RBM15: variants seen among roughly 807,000 people sequenced by gnomAD.
The protein encoded by RBM15 is RNA binding motif protein 15, also known as RNA-binding protein 15.
Under a neutral mutation model 62.6 loss-of-function variants are expected in RBM15, and 8 were observed. The ratio of observed to expected loss-of-function variants is 0.13; its 90% CI spans 0.07 to 0.23. The LOEUF is 0.23. Ranked by LOEUF, RBM15 falls within the 10% of genes least tolerant of loss-of-function variation. The pLI is 1.00. For synonymous variants in RBM15, 606 were observed against 505.7 expected (o/e 1.20, Z -2.66); for missense variants, 1,144 against 1,286.5 (o/e 0.89, Z 1.69).
intron 1 of RBM15, chr1:110,342,483 A>T (rs1660819751): frequency 2.3e-6 from 1 of 434,358 alleles, no homozygotes; most frequent in African/African-American, 2.0e-5. Flanking sequence ...AGTGAAAGGG[A>T]TGCCCTAAAG....
chr1:110,340,388 A>G lies in RBM15; in HGVS notation c.983A>G (p.Glu328Gly), dbSNP rs1221437367. ...CCGCCACCATTGCCTCGAGACCTGGAGAGAGAAAGAGACTACCCGTTCTAT... is the reference window on the plus strand; with the variant it reads ...CCGCCACCATTGCCTCGAGACCTGGGGAGAGAAAGAGACTACCCGTTCTAT... The part of the protein sequence containing the change: ...PPPPPLPRDL[E>G]RERDYPFYER... The change falls in exon 1 of 3, where the codon GAG becomes GGG. Residue 328 changes from glutamate (E) to glycine (G), a missense_variant. Transcript: ENST00000369784. The surrounding 1 kb of genome is among the most constrained non-coding windows in gnomAD (Gnocchi z 5.8). 2 of 1,614,152 alleles carry G rather than the reference A, an allele frequency of 1.2e-6. No individual in the cohort carries two copies. Among genetic ancestry groups the G allele is most frequent in the South Asian group, 1.1e-5 (1 of 91,082 alleles).
chr1:110,341,445 C>CCGGGAT lies in RBM15; in HGVS notation c.2043_2048dup (p.Asp682_Arg683dup). On this transcript the variant is annotated inframe_insertion, in exon 1 of 3. Coordinates refer to ENST00000369784, the MANE Select transcript of RBM15 (RefSeq NM_022768.5). The surrounding 1 kb of genome is among the most constrained non-coding windows in gnomAD (Gnocchi z 4.5). ...ACCGCAGTCCAGAATTGAGCAGTAGCCGGGATCGTTACAACAGCGACAATG... is the reference window on the plus strand; with the variant it reads ...ACCGCAGTCCAGAATTGAGCAGTAGCCGGGATCGGGATCGTTACAACAGCGACAATG... 6.2e-7 allele frequency: 1 copy of CCGGGAT among 1,614,138 alleles called. No homozygotes were observed. Among genetic ancestry groups the CCGGGAT allele is most frequent in the Non-Finnish European group, 8.5e-7 (1 of 1,180,028 alleles).
In RBM15 at chr1:110,340,635, C is replaced by G. The variant is rs1472115594; in HGVS notation, c.1230C>G (p.Arg410=). The G allele has an allele frequency of 9.3e-6, 15 of 1,614,198 alleles. No homozygotes were observed. The highest frequency in any genetic ancestry group is 1.3e-5 in the Non-Finnish European group (15 of 1,180,032). ...ITEVDIKRPS[R]GQTSTYGFLK... ...AAGTAGATATCAAGAGGCCTTCTCGCGGCCAGACTAGTACTTACGGCTTTC... is the reference window on the plus strand; with the variant it reads ...AAGTAGATATCAAGAGGCCTTCTCGGGGCCAGACTAGTACTTACGGCTTTC... The change falls in exon 1 of 3, where the codon CGC becomes CGG. Residue 410 remains arginine, a synonymous_variant. Coordinates refer to ENST00000369784, the MANE Select transcript of RBM15 (RefSeq NM_022768.5). The surrounding 1 kb of genome is among the most constrained non-coding windows in gnomAD (Gnocchi z 5.8).
chr1:110,344,629 A>T (rs1331386833), intron 1 of RBM15, among the ~76,000 whole-genome samples: 2 of 152,222 alleles, frequency 1.3e-5, no homozygotes, highest in African/African-American at 4.8e-5. Flanking sequence ...CATAGTCCAC[A>T]TGAACCTCAT....
chr1:110,339,587 G>T lies in RBM15; in HGVS notation c.182G>T (p.Gly61Val). ...SPVKAKRSRG[G>V]EDSTSRGERS... Reference sequence around the variant, plus strand: ...GTGAAGGCCAAACGCTCCCGTGGTGGTGAGGACTCGACTTCCCGCGGTGAG... The same window carrying T: ...GTGAAGGCCAAACGCTCCCGTGGTGTTGAGGACTCGACTTCCCGCGGTGAG... Residue 61 changes from glycine (G) to valine (V), a missense_variant, in exon 1 of 3, where the codon GGT (glycine) becomes GTT (valine). By Grantham distance (109) the Gly-to-Val change is moderately radical. Transcript: ENST00000369784. The T allele has an allele frequency of 6.2e-7, 1 of 1,608,514 alleles. No individual in the cohort carries two copies. Among genetic ancestry groups the T allele is most frequent in the Non-Finnish European group, 8.5e-7 (1 of 1,175,882 alleles).
rs908486439 is a variant in RBM15 at position 110,341,501 on chromosome 1, C to T, written c.2096C>T (p.Pro699Leu). Reference sequence around the variant, plus strand: ...TCTTCCCGTCTTCTCTTGGAAAGGCCCTCTCCAATCAGAGACAGACGAGGT... The same window carrying T: ...TCTTCCCGTCTTCTCTTGGAAAGGCTCTCTCCAATCAGAGACAGACGAGGT... ...DRSSRLLLER[P>L]SPIRDRRGSL... The change falls in exon 1 of 3, where the codon CCC (proline) becomes CTC (leucine). Residue 699 changes from proline (P) to leucine (L), a missense_variant. Coordinates refer to ENST00000369784, the MANE Select transcript of RBM15 (RefSeq NM_022768.5). The surrounding 1 kb of genome is among the most constrained non-coding windows in gnomAD (Gnocchi z 4.5). The T allele has an allele frequency of 1.2e-5, 19 of 1,613,962 alleles. No individual in the cohort carries two copies. The highest frequency in any genetic ancestry group is 1.4e-5 in the Non-Finnish European group (17 of 1,180,040).
chr1:110,340,743 T>C lies in RBM15; in HGVS notation c.1338T>C (p.Ile446=). 1 of 1,613,980 alleles carries C rather than the reference T, an allele frequency of 6.2e-7. No individual in the cohort carries two copies. Among genetic ancestry groups the C allele is most frequent in the South Asian group, 1.1e-5 (1 of 91,066 alleles). Residue 446 remains isoleucine, a synonymous_variant, in exon 1 of 3, where the codon ATT becomes ATC. Coordinates refer to ENST00000369784, the MANE Select transcript of RBM15 (RefSeq NM_022768.5). The surrounding 1 kb of genome is among the most constrained non-coding windows in gnomAD (Gnocchi z 5.8). ...GKIIIRNPIK[I]GYGKATPTTR... ...TTATAATTCGGAATCCTATCAAAAT[T>C]GGTTATGGTAAAGCTACACCCACCA...
In RBM15 at chr1:110,345,570, G is replaced by A. The variant is rs1466452777; in HGVS notation, c.2895G>A (p.Glu965=). The A allele has an allele frequency of 7.4e-6, 12 of 1,611,920 alleles. No homozygotes were observed. The highest frequency in any genetic ancestry group is 1.0e-5 in the Non-Finnish European group (12 of 1,178,908). ...GTTTTCAGATAGGAGTTAGGTATGA[G>A]AACAAGAAGAGAGAAAACTTGGCGC... is the stretch of plus-strand genomic sequence containing the variant. ...GFGFQIGVRY[E]NKKRENLALT... Residue 965 remains glutamate (E), a synonymous_variant, in exon 2 of 3, where the codon GAG becomes GAA. Coordinates refer to ENST00000369784, the MANE Select transcript of RBM15 (RefSeq NM_022768.5).
Position 110,339,954 on chromosome 1 carries a change from C to T in RBM15, c.549C>T (p.Asp183=), listed in dbSNP as rs778905859. 3.7e-6 allele frequency: 6 copies of T among 1,613,986 alleles called. No homozygotes were observed. Among genetic ancestry groups the T allele is most frequent in the East Asian group, 4.5e-5 (2 of 44,890 alleles). The change falls in exon 1 of 3, where the codon GAC becomes GAT. Residue 183 remains aspartate, a synonymous_variant. Transcript: ENST00000369784. ...KISELGSQLS[D]EAVEDGLFHE... Reference sequence around the variant, plus strand: ...GCGAGTTGGGGTCCCAGCTTAGTGACGAAGCGGTGGAGGACGGCCTGTTTC... The same window carrying T: ...GCGAGTTGGGGTCCCAGCTTAGTGATGAAGCGGTGGAGGACGGCCTGTTTC...
Position 110,340,513 on chromosome 1 carries a change from C to A in RBM15, c.1108C>A (p.Gln370Lys). 1 of 1,614,192 alleles carries A rather than the reference C, an allele frequency of 6.2e-7. No homozygotes were observed. The highest frequency in any genetic ancestry group is 8.5e-7 in the Non-Finnish European group (1 of 1,180,046). The change falls in exon 1 of 3, where the codon CAG becomes AAG. Residue 370 changes from glutamine to lysine, a missense_variant. Gln to Lys is a moderately conservative substitution (Grantham distance 53, BLOSUM62 1). Coordinates refer to ENST00000369784, the MANE Select transcript of RBM15 (RefSeq NM_022768.5). This position sits in a 1 kb window ranked among gnomAD's most constrained non-coding sequence, Gnocchi z 5.8. ...GGATGAGATTTCACCCGAGGATGATCAGCGAGCTAACCGGACGCTCTTCTT... is the reference window on the plus strand; with the variant it reads ...GGATGAGATTTCACCCGAGGATGATAAGCGAGCTAACCGGACGCTCTTCTT... ...EVDEISPEDD[Q>K]RANRTLFLGN...
rs774200080 is a variant in RBM15, at chr1:110,341,154, C to T, written c.1749C>T (p.Asp583=). 14 of 1,614,074 alleles carry T rather than the reference C, an allele frequency of 8.7e-6. No individual in the cohort carries two copies. Among genetic ancestry groups the T allele is most frequent in the Non-Finnish European group, 8.5e-6 (10 of 1,179,970 alleles). The change falls in exon 1 of 3, where the codon GAC becomes GAT. Residue 583 remains aspartate, a synonymous_variant. Transcript: ENST00000369784. This position sits in a 1 kb window ranked among gnomAD's most constrained non-coding sequence, Gnocchi z 4.5. ...ATCGTGATAGGGACCTTTATCCTGA[C>T]TCTGATTGGGTGCCACCCCCACCCC... is the stretch of plus-strand genomic sequence containing the variant. ...YRDRDRDLYP[D]SDWVPPPPPV... is the part of the protein sequence containing the mutation.
In RBM15 at chr1:110,339,962, T is replaced by C. The variant is rs1557890763; in HGVS notation, c.557T>C (p.Val186Ala). 1 of 1,614,018 alleles carries C rather than the reference T, an allele frequency of 6.2e-7. No homozygotes were observed. Among genetic ancestry groups the C allele is most frequent in the Non-Finnish European group, 8.5e-7 (1 of 1,179,984 alleles). The change falls in exon 1 of 3, where the codon GTG (valine) becomes GCG (alanine). Residue 186 changes from valine to alanine, a missense_variant. Around this residue, in one of 8 missense-constraint regions of RBM15, gnomAD observed 15 missense variants for 35.0 expected, o/e 0.43. Transcript: ENST00000369784. Reference protein sequence around the residue: ...ELGSQLSDEAVEDGLFHEFKR... With the variant: ...ELGSQLSDEAAEDGLFHEFKR... ...GGGTCCCAGCTTAGTGACGAAGCGG[T>C]GGAGGACGGCCTGTTTCATGAGTTC... is the stretch of plus-strand genomic sequence containing the variant.
Position 110,341,041 on chromosome 1 carries a change from T to C in RBM15, c.1636T>C (p.Tyr546His). 3 of 1,614,144 alleles carry C rather than the reference T, an allele frequency of 1.9e-6. No homozygotes were observed. The highest frequency in any genetic ancestry group is 2.5e-6 in the Non-Finnish European group (3 of 1,180,010). Reference sequence around the variant, plus strand: ...TCTGCAGCCTCTGCCCTTGACTCATTATGAGCTGGTGACAGATGCTTTTGG... The same window carrying C: ...TCTGCAGCCTCTGCCCTTGACTCATCATGAGCTGGTGACAGATGCTTTTGG... Reference protein sequence around the residue: ...QYLQPLPLTHYELVTDAFGHR... With the variant: ...QYLQPLPLTHHELVTDAFGHR... The change falls in exon 1 of 3, where the codon TAT becomes CAT. Residue 546 changes from tyrosine to histidine, a missense_variant. Physicochemically the swap from Tyr to His is moderately conservative, Grantham distance 83. Transcript: ENST00000369784. This position sits in a 1 kb window ranked among gnomAD's most constrained non-coding sequence, Gnocchi z 4.5.
rs200933258 is a variant in RBM15, at chr1:110,339,877, T to G, written c.472T>G (p.Ser158Ala). ...GGESRSSGAASSAPGGGDGAE... is the reference protein window; with the variant it reads ...GGESRSSGAAASAPGGGDGAE... ...GGAGTCACGTTCCTCTGGGGCCGCC[T>G]CCTCAGCTCCCGGCGGCGGGGACGG... Residue 158 changes from serine (S) to alanine (A), a missense_variant, in exon 1 of 3, where the codon TCC (serine) becomes GCC (alanine). Around this residue, in one of 8 missense-constraint regions of RBM15, gnomAD observed 298 missense variants for 250.0 expected, o/e 1.19. Coordinates refer to ENST00000369784, the MANE Select transcript of RBM15 (RefSeq NM_022768.5). The G allele has an allele frequency of 3.9e-4, 622 of 1,602,942 alleles. 1 individual carries two copies. Among genetic ancestry groups the G allele is most frequent in the Non-Finnish European group, 4.9e-4 (577 of 1,171,478 alleles).
Position 110,346,544 on chromosome 1 carries a change from A to T in RBM15, c.*277A>T, listed in dbSNP as rs901450560. 1 of 583,018 alleles carries T rather than the reference A, an allele frequency of 1.7e-6. No homozygotes were observed. Among genetic ancestry groups the T allele is most frequent in the African/African-American group, 1.9e-5 (1 of 53,418 alleles). The allele number at this position is 583,018 out of a possible 1,614,324, so 36.1% of individuals were successfully genotyped here. On this transcript the variant is annotated 3_prime_UTR_variant, in exon 3 of 3. Transcript: ENST00000369784. ...GACCTCTTTGATTTGTGCTGTGTAC[A>T]CAAGATTTCTGGAAAAGTAAAGAAA... is the stretch of plus-strand genomic sequence containing the variant.
Position 110,345,526 on chromosome 1 carries a change from G to C in RBM15, c.2864-13G>C, listed in dbSNP as rs1553225512. The C allele has an allele frequency of 3.2e-6, 5 of 1,567,248 alleles. No individual in the cohort carries two copies. The South Asian group carries it at 5.7e-5, about 18-fold the overall frequency. ...AGAATTTCTGGACATTTTTTTTTCT[G>C]TCTCTCTCACAGGGTTTGGTTTTCA... On this transcript the variant is annotated splice_polypyrimidine_tract_variant and intron_variant, in intron 1 of 2. Transcript: ENST00000369784.
chr1:110,342,233 C>T lies in RBM15; in HGVS notation c.2828C>T (p.Ser943Phe). The change falls in exon 1 of 3, where the codon TCT becomes TTT. Residue 943 changes from serine (S) to phenylalanine (F), a missense_variant. This residue lies in a region of RBM15 where 144 missense variants were observed against 223.3 expected (regional missense o/e 0.64). Coordinates refer to ENST00000369784, the MANE Select transcript of RBM15 (RefSeq NM_022768.5). Reference sequence around the variant, plus strand: ...TCCCCTGCCAAGGCACTGGCCAAATCTGAAGAAGATTACCTGGTCATGATC... The same window carrying T: ...TCCCCTGCCAAGGCACTGGCCAAATTTGAAGAAGATTACCTGGTCATGATC... ...LDSPAKALAK[S>F]EEDYLVMIIV... 1.2e-6 allele frequency: 2 copies of T among 1,604,434 alleles called. No homozygotes were observed. Among genetic ancestry groups the T allele is most frequent in the Non-Finnish European group, 1.7e-6 (2 of 1,174,856 alleles).
intron 1 of RBM15, among the ~76,000 whole-genome samples, chr1:110,343,854 C>G (rs987047228): frequency 6.6e-6 from 1 of 152,090 alleles, no homozygotes; most frequent in Non-Finnish European, 1.5e-5. Flanking sequence ...CAATAATAAC[C>G]CAGGGAAATG....
rs1225119361 is a variant in RBM15 at position 110,341,235 on chromosome 1, A to G, written c.1830A>G (p.Pro610=). 3 of 1,614,016 alleles carry G rather than the reference A, an allele frequency of 1.9e-6. No individual in the cohort carries two copies. The highest frequency in any genetic ancestry group is 2.7e-5 in the African/African-American group (2 of 74,916). ...TAATSVPAYE[P]LDSLDRRRDG... is the part of the protein sequence containing the mutation. ...CTACTTCTGTGCCTGCTTACGAGCC[A>G]CTGGATAGCCTAGATCGCAGGCGGG... Residue 610 remains proline (P), a synonymous_variant, in exon 1 of 3, where the codon CCA becomes CCG. Coordinates refer to ENST00000369784, the MANE Select transcript of RBM15 (RefSeq NM_022768.5). This position sits in a 1 kb window ranked among gnomAD's most constrained non-coding sequence, Gnocchi z 4.5.
Sources: gnomAD v4.1 joint callset for allele counts (sites outside exome capture counted in the v4.1 genomes callset) on GRCh38, gnomAD v4.1.1 for gene constraint, gnomAD v4.1.1 regional missense constraint, Gnocchi (gnomAD v3.1) non-coding constraint, MANE v1.5 for transcripts, NCBI Gene and HGNC (gene_info 2026-07-23, HGNC 2026-07-21) for gene names.